Variants in KCNH5 observed in about 807,000 individuals in gnomAD.
The protein encoded by KCNH5 is voltage-gated delayed rectifier potassium channel KCNH5.
Under a neutral mutation model 96.1 loss-of-function variants are expected in KCNH5, and 46 were observed. The observed-to-expected ratio is 0.48, with a 90% CI of 0.38 to 0.61. The LOEUF is 0.61. Among genes scored for constraint, KCNH5 ranks in the 20% least tolerant of loss-of-function variants. The pLI, the probability that KCNH5 is intolerant of heterozygous loss-of-function variation, is 0.00. For synonymous variants in KCNH5, 439 were observed against 449.8 expected (o/e 0.98, Z 0.30); for missense variants, 907 against 1,225.8 (o/e 0.74, Z 3.88).
In KCNH5 at chr14:62,708,135, A is replaced by C. The variant is rs1292451476; in HGVS notation, c.2340T>G (p.Asp780Glu). ...TSESLKQNNR[D>E]AMELKPNGGA... ...CGCCGTTGGGCTTGAGTTCCATGGCATCACGGTTGTTCTGCTTAAGGGATT... is the reference window on the plus strand; with the variant it reads ...CGCCGTTGGGCTTGAGTTCCATGGCCTCACGGTTGTTCTGCTTAAGGGATT... The change falls in exon 11 of 11, where the codon GAT (aspartate) becomes GAG (glutamate). Residue 780 changes from aspartate (D) to glutamate (E), a missense_variant. This residue lies in a region of KCNH5 where 362 missense variants were observed against 394.4 expected (regional missense o/e 0.92). Coordinates refer to ENST00000322893, the MANE Select transcript of KCNH5 (RefSeq NM_139318.5). 1 of 1,614,212 alleles carries C rather than the reference A, an allele frequency of 6.2e-7. No individual in the cohort carries two copies. The highest frequency in any genetic ancestry group is 1.1e-5 in the South Asian group (1 of 91,082).
chr14:62,842,718 C>T (rs977277143), intron 8 of KCNH5, among the ~76,000 whole-genome samples: 1 of 152,108 alleles, frequency 6.6e-6, no homozygotes, highest in Non-Finnish European at 1.5e-5. Flanking sequence ...ATTCTGAATC[C>T]TAATTTTTTA....
chr14:62,723,986 T>C (rs1250538948), intron 10 of KCNH5, among the ~76,000 whole-genome samples: 2 of 152,198 alleles, frequency 1.3e-5, no homozygotes, highest in Non-Finnish European at 2.9e-5. Flanking sequence ...AAATCAGACA[T>C]GCAAGTGGCT....
intron 4 of KCNH5, among the ~76,000 whole-genome samples, chr14:62,992,018 A>T (rs1890818689): frequency 6.6e-6 from 1 of 151,748 alleles, no homozygotes; most frequent in Non-Finnish European, 1.5e-5. Context: ...CTATCATTCC[A>T]CTCTCTACAT....
intron 2 of KCNH5, among the ~76,000 whole-genome samples, chr14:63,014,717 A>G (rs1412478312): frequency 6.6e-6 from 1 of 152,128 alleles, no homozygotes; most frequent in Non-Finnish European, 1.5e-5. Flanking sequence ...GATGATGCCA[A>G]CAGAAATATA....
At chr14:62,733,514 A>G (rs960438848) in intron 10 of KCNH5, among the ~76,000 whole-genome samples, 1 of 152,170 alleles carries the variant, frequency 6.6e-6, no homozygotes, top group Non-Finnish European at 1.5e-5. Flanking sequence ...AGCAACCCCC[A>G]GTATATGGCA....
At position 62,940,685 on chromosome 14, in the gene KCNH5, C is replaced by A. The variant is rs139263072; in HGVS notation, c.1369+9448G>T. On this transcript the variant is annotated intron_variant, in intron 7 of 10. Transcript: ENST00000322893. ...TTTTGCATATACTATGTTCTCTATA[C>A]CTGGAAAATAGCTAAGTCCTGCCTC... Among the ~76,000 whole-genome samples the A allele has an allele frequency of 5.6e-4, 86 of 152,274 alleles. 2 individuals are homozygous for A. Among genetic ancestry groups the A allele is most frequent in the Admixed American group, 1.6e-3 (24 of 15,286 alleles).
At chr14:63,026,266 A>G (rs1470975980) in intron 1 of KCNH5, among the ~76,000 whole-genome samples, 1 of 152,114 alleles carries the variant, frequency 6.6e-6, no homozygotes, top group East Asian at 1.9e-4. Context: ...AACTGCTGGA[A>G]GAAAACATAG....
In KCNH5 at chr14:62,702,148, A is replaced by G. The variant is rs1884357543; in HGVS notation, c.*5360T>C. 1 of 152,102 alleles carries G rather than the reference A, an allele frequency of 6.6e-6. No homozygotes were observed. Among genetic ancestry groups the G allele is most frequent in the Non-Finnish European group, 1.5e-5 (1 of 67,932 alleles). The allele number at this position is 152,102 out of a possible 1,614,324, so 9.4% of individuals were successfully genotyped here. ...AACTGGAAAAGAAAATGTTGATACC[A>G]GTGACCATATATCAAACATACCACA... On this transcript the variant is annotated 3_prime_UTR_variant, in exon 11 of 11. Coordinates refer to ENST00000322893, the MANE Select transcript of KCNH5 (RefSeq NM_139318.5).
chr14:62,831,171 C>T (rs1887341122), intron 8 of KCNH5, among the ~76,000 whole-genome samples: 1 of 152,164 alleles, frequency 6.6e-6, no homozygotes, highest in African/African-American at 2.4e-5. Context: ...CCATAAGTAA[C>T]AAAACATCTC....
chr14:62,900,550 A>T (rs1417164664), intron 7 of KCNH5, among the ~76,000 whole-genome samples: 1 of 152,166 alleles, frequency 6.6e-6, no homozygotes, highest in Non-Finnish European at 1.5e-5. Context: ...CTTATAGAAG[A>T]TGATTATGGT....
At chr14:62,734,121 A>G (rs993860688) in intron 10 of KCNH5, among the ~76,000 whole-genome samples, 10 of 152,116 alleles carry the variant, frequency 6.6e-5, no homozygotes, top group Non-Finnish European at 1.5e-4. Context: ...ATGGCTCAAT[A>G]TATTCAATCT....
chr14:62,812,207 G>T (rs1886886675), intron 8 of KCNH5, among the ~76,000 whole-genome samples: 1 of 151,996 alleles, frequency 6.6e-6, no homozygotes, highest in South Asian at 2.1e-4. Flanking sequence ...GCTGATTTTT[G>T]AAAATTATTT....
chr14:62,812,353 G>A (rs376148974), intron 8 of KCNH5, among the ~76,000 whole-genome samples: 3 of 152,194 alleles, frequency 2.0e-5, no homozygotes, highest in African/African-American at 7.2e-5. Context: ...TCCAACAAAT[G>A]TATCACATAC....
At chr14:62,732,391 A>C (rs1885068863) in intron 10 of KCNH5, among the ~76,000 whole-genome samples, 1 of 152,088 alleles carries the variant, frequency 6.6e-6, no homozygotes, top group African/African-American at 2.4e-5. Context: ...ACTTTTCTGC[A>C]TCAGTTATAT....
chr14:62,993,437 C>T (rs542209391), intron 4 of KCNH5, among the ~76,000 whole-genome samples: 2 of 151,966 alleles, frequency 1.3e-5, no homozygotes, highest in South Asian at 2.1e-4. Context: ...GCCTTCAGTT[C>T]CCCTTCTCTC....
intron 8 of KCNH5, among the ~76,000 whole-genome samples, chr14:62,844,787 G>A (rs1355930765): frequency 6.6e-6 from 1 of 152,120 alleles, no homozygotes; most frequent in Non-Finnish European, 1.5e-5. Flanking sequence ...AATTATATTA[G>A]AGAAAGCATT....
At chr14:63,043,731 C>G (rs964517073) in intron 1 of KCNH5, among the ~76,000 whole-genome samples, 1 of 152,162 alleles carries the variant, frequency 6.6e-6, no homozygotes, top group African/African-American at 2.4e-5. Context: ...GGGGAAAATA[C>G]TTTGAAACAC....
intron 1 of KCNH5, among the ~76,000 whole-genome samples, chr14:63,039,238 G>A (rs1891779074): frequency 6.6e-6 from 1 of 151,894 alleles, no homozygotes; most frequent in African/African-American, 2.4e-5. Context: ...CTGACTAAGA[G>A]GAAACAAAAC....
At chr14:62,922,038 C>A (rs1294716512) in intron 7 of KCNH5, among the ~76,000 whole-genome samples, 1 of 152,048 alleles carries the variant, frequency 6.6e-6, no homozygotes, top group Non-Finnish European at 1.5e-5. Flanking sequence ...AGAACCAGAG[C>A]TCTTTTTCTG....
Sources: allele counts gnomAD v4.1 joint callset (sites outside exome capture counted in the v4.1 genomes callset), GRCh38; gene constraint gnomAD v4.1.1; regional missense constraint gnomAD v4.1.1; transcripts MANE v1.5; gene names NCBI Gene and HGNC (gene_info 2026-07-23, HGNC 2026-07-21).